CCDC68: variants seen among roughly 807,000 people sequenced by gnomAD.
The protein encoded by CCDC68 is coiled-coil domain containing 68.
CCDC68 carries 45 observed loss-of-function variants against 47.1 expected under a neutral mutation model. The ratio of observed to expected loss-of-function variants is 0.96; its 90% confidence interval spans 0.75 to 1.23. The LOEUF (loss-of-function observed/expected upper bound fraction) is 1.23. CCDC68 is among the 50% of genes most tolerant of loss of function. The pLI, the probability that CCDC68 is intolerant of heterozygous loss-of-function variation, is 0.00. For synonymous variants in CCDC68, 131 were observed against 129.5 expected (o/e 1.01, Z -0.08); for missense variants, 353 against 373.6 (o/e 0.94, Z 0.45).
At position 54,934,942 on chromosome 18, in the gene CCDC68, T is replaced by A. The variant is rs2044319451; in HGVS notation, c.478A>T (p.Lys160Ter). The A allele has an allele frequency of 6.3e-7, 1 of 1,589,442 alleles. No individual in the cohort carries two copies. The highest frequency in any genetic ancestry group is 1.4e-5 in the African/African-American group (1 of 73,654). Residue 160 changes from lysine to a stop codon, truncating the protein, a stop_gained, in exon 7 of 12, where the codon AAG (lysine) becomes TAG (stop). Coordinates refer to ENST00000591504, the MANE Select transcript of CCDC68 (RefSeq NM_025214.3). LOFTEE classifies it high-confidence loss of function. ...EDSKQLLQVNKLEKEQKLKQH... is the reference protein window; with the variant it reads ...EDSKQLLQVN ...TTCAATTTCTGTTCTTTTTCAAGCT[T>A]GTTAACCTATGGTCAGAGAATCAGT...
intron 1 of CCDC68, among the ~76,000 whole-genome samples, chr18:54,952,935 C>T (rs979169004): frequency 1.3e-5 from 2 of 152,114 alleles, no homozygotes; most frequent in African/African-American, 4.8e-5. Context: ...ATCGCTTGAA[C>T]CTGGGAGGCA....
chr18:54,937,076 A>C, intron 5 of CCDC68, 118 bp from the exon 6 acceptor site: 1 of 900,270 alleles, frequency 1.1e-6, no homozygotes, highest in Non-Finnish European at 1.7e-6. Context: ...ACAGCCTCAT[A>C]GACAATGGAT....
rs765992362 is a variant in CCDC68 at position 54,917,906 on chromosome 18, T to G, written c.873+7A>C. On this transcript the variant is annotated splice_region_variant and intron_variant, in intron 10 of 11. Coordinates refer to ENST00000591504, the MANE Select transcript of CCDC68 (RefSeq NM_025214.3). The stretch of plus-strand genomic sequence containing the variant: ...ACAACAAAATGTAAGACAGGTTCCC[T>G]CCTTACCTGGGCTTCAAGTATGTTA... The G allele has an allele frequency of 1.8e-5, 27 of 1,542,596 alleles. No individual in the cohort carries two copies. The highest frequency in any genetic ancestry group is 2.2e-5 in the Non-Finnish European group (25 of 1,117,288).
intron 4 of CCDC68, among the ~76,000 whole-genome samples, chr18:54,938,569 G>C (rs2044387581): frequency 6.6e-6 from 1 of 152,226 alleles, no homozygotes. Context: ...AGAACTGAAT[G>C]ACACTGCCAT....
At chr18:54,958,678 A>C (rs77504620) in intron 1 of CCDC68, among the ~76,000 whole-genome samples, 2 of 152,136 alleles carry the variant, frequency 1.3e-5, no homozygotes, top group Non-Finnish European at 2.9e-5. Flanking sequence ...TTATCATCCA[A>C]TCTAAAAACT....
chr18:54,958,520 A>T (rs2145688993), intron 1 of CCDC68, among the ~76,000 whole-genome samples: 1 of 152,362 alleles, frequency 6.6e-6, no homozygotes. Context: ...CCAAGAAAGT[A>T]AAAGAGGTTT....
chr18:54,919,470 G>T (rs2044016135), intron 8 of CCDC68, 94 bp from the exon 9 acceptor site: 2 of 995,418 alleles, frequency 2.0e-6, no homozygotes, highest in Non-Finnish European at 1.6e-6. Flanking sequence ...ACACTCTACT[G>T]CTACTGGGGA....
chr18:54,906,277 T>C lies in CCDC68; in HGVS notation c.950+1509A>G, dbSNP rs1914004023. ...AGAACAAAGGGGACATTCAGTCTCA[T>C]TTCACCACTTCAATTAGGAAATTTC... On this transcript the variant is annotated intron_variant, in intron 11 of 11. Transcript: ENST00000591504. Among the ~76,000 whole-genome samples, 4 of 152,118 alleles carry C rather than the reference T, an allele frequency of 2.6e-5. No homozygotes were observed. The South Asian group carries it at 6.2e-4, about 24-fold the overall frequency.
Position 54,904,265 on chromosome 18 carries a change from C to T in CCDC68, c.*93G>A. Reference sequence around the variant, plus strand: ...GTAATAAGTTCCATTTAAATAATGGCATTTTGCCATTTTAACATGAAACTT... The same window carrying T: ...GTAATAAGTTCCATTTAAATAATGGTATTTTGCCATTTTAACATGAAACTT... On this transcript the variant is annotated 3_prime_UTR_variant, in exon 12 of 12. Coordinates refer to ENST00000591504, the MANE Select transcript of CCDC68 (RefSeq NM_025214.3). The T allele has an allele frequency of 3.2e-6, 3 of 949,802 alleles. No individual in the cohort carries two copies. In the South Asian group the frequency reaches 4.3e-5, roughly 13 times the overall value. 58.8% of individuals were successfully genotyped at this position (949,802 alleles called of 1,614,324 possible).
chr18:54,908,651 T>A (rs2145359948), intron 10 of CCDC68, among the ~76,000 whole-genome samples: 1 of 152,242 alleles, frequency 6.6e-6, no homozygotes. Flanking sequence ...GATAAAAAAA[T>A]ACGTCAAGTG....
At position 54,904,375 on chromosome 18, in the gene CCDC68, T is replaced by C. The variant is rs528901513; in HGVS notation, c.991A>G (p.Ile331Val). 2.3e-5 allele frequency: 37 copies of C among 1,613,334 alleles called. 1 individual carries two copies. In the South Asian group the frequency reaches 4.1e-4, roughly 18 times the overall value. Residue 331 changes from isoleucine (I) to valine (V), a missense_variant, in exon 12 of 12, where the codon ATT (isoleucine) becomes GTT (valine). Ile to Val is a conservative substitution (Grantham distance 29). Transcript: ENST00000591504. ...CAGCCAGTTCATTTCCGTAACCTAA[T>C]CAACATTAAATAAGGGGAAACACCT... Reference protein sequence around the residue: ...TEGVSPYLMLIRLRK With the variant: ...TEGVSPYLMLVRLRK
intron 7 of CCDC68, among the ~76,000 whole-genome samples, chr18:54,932,554 C>G (rs563519473): frequency 6.6e-6 from 1 of 152,150 alleles, no homozygotes. Context: ...CACTTACCTC[C>G]ACCCTCCAGA....
intron 9 of CCDC68, 83 bp downstream of exon 9, chr18:54,919,188 A>C (rs979941013): frequency 2.0e-5 from 21 of 1,039,474 alleles, no homozygotes; most frequent in Non-Finnish European, 3.0e-5. Context: ...TCATTGCTTC[A>C]AAAGTCCAGT....
chr18:54,917,962 T>C lies in CCDC68; in HGVS notation c.824A>G (p.Asp275Gly), dbSNP rs775631149. The change falls in exon 10 of 12, where the codon GAC becomes GGC. Residue 275 changes from aspartate to glycine, a missense_variant. Coordinates refer to ENST00000591504, the MANE Select transcript of CCDC68 (RefSeq NM_025214.3). ...TTCTCTGAGATTTTCAATTCTTTTG[T>C]CTTGTTCTTTTAAATTATTTTTTAA... ...EGLKNNLKEQDKRIENLREKV... is the reference protein window; with the variant it reads ...EGLKNNLKEQGKRIENLREKV... 12 of 1,565,582 alleles carry C rather than the reference T, an allele frequency of 7.7e-6. No homozygotes were observed. In the Admixed American group the frequency reaches 1.4e-4, roughly 18 times the overall value.
intron 6 of CCDC68, among the ~76,000 whole-genome samples, chr18:54,936,270 G>A (rs1427867207): frequency 1.4e-5 from 2 of 140,042 alleles, no homozygotes; most frequent in Admixed American, 7.2e-5. Flanking sequence ...AAAATATATA[G>A]TTATATATTT....
At chr18:54,941,749 G>C (rs2145583972) in intron 3 of CCDC68, among the ~76,000 whole-genome samples, 1 of 152,218 alleles carries the variant, frequency 6.6e-6, no homozygotes, top group African/African-American at 2.4e-5. Flanking sequence ...CTGTAAGACT[G>C]TAAGAGTAGG....
chr18:54,927,890 G>C (rs2044171713), intron 8 of CCDC68, among the ~76,000 whole-genome samples: 1 of 152,076 alleles, frequency 6.6e-6, no homozygotes, highest in African/African-American at 2.4e-5. Context: ...TGGGAAGAAA[G>C]ATAAAAAAGG....
chr18:54,946,765 T>C (rs573313670), intron 1 of CCDC68, among the ~76,000 whole-genome samples: 2 of 152,306 alleles, frequency 1.3e-5, no homozygotes, highest in East Asian at 3.9e-4. Flanking sequence ...ACAAGTTACA[T>C]AAAATCTTTG....
At chr18:54,916,278 A>G (rs2042434189) in intron 10 of CCDC68, among the ~76,000 whole-genome samples, 1 of 152,220 alleles carries the variant, frequency 6.6e-6, no homozygotes, top group East Asian at 1.9e-4. Flanking sequence ...AGGTTCAATG[A>G]GGCCTATCCT....
Sources: allele counts gnomAD v4.1 joint callset (sites outside exome capture counted in the v4.1 genomes callset), GRCh38; gene constraint gnomAD v4.1.1; transcripts MANE v1.5; gene names NCBI Gene and HGNC (gene_info 2026-07-23, HGNC 2026-07-21).